WAPL: variants seen among roughly 807,000 people sequenced by gnomAD.
The protein encoded by WAPL is WAPL cohesin release factor.
Under a neutral mutation model 121.0 loss-of-function variants are expected in WAPL, and 5 were observed. That is an observed-to-expected ratio of 0.04 (90% CI 0.02 to 0.09). The LOEUF is 0.09. Among genes scored for constraint, WAPL ranks in the 10% least tolerant of loss-of-function variants. WAPL has a pLI of 1.00. For missense variants in WAPL, 999 were observed against 1,410.8 expected (o/e 0.71, Z 4.68); for synonymous variants, 480 against 481.5 (o/e 1.00, Z 0.04).
Position 86,437,632 on chromosome 10 carries a change from G to A in WAPL, c.3508-24C>T, listed in dbSNP as rs115641795. ...CACTGAAAGCAGGGTGAAGGGGAAAGGAAGTAACAGTTAATATTTAACAGA... is the reference window on the plus strand; with the variant it reads ...CACTGAAAGCAGGGTGAAGGGGAAAAGAAGTAACAGTTAATATTTAACAGA... On this transcript the variant is annotated intron_variant, in intron 18 of 18. Coordinates refer to ENST00000298767, the MANE Select transcript of WAPL (RefSeq NM_015045.5). 1.8e-3 allele frequency: 2,830 copies of A among 1,610,534 alleles called. 51 individuals carry two copies. The African/African-American group carries it at 0.033, about 19-fold the overall frequency.
At chr10:86,464,290 T>A (rs1442230082) in intron 9 of WAPL, among the ~76,000 whole-genome samples, 1 of 152,214 alleles carries the variant, frequency 6.6e-6, no homozygotes, top group Non-Finnish European at 1.5e-5. Flanking sequence ...AACTATTTAA[T>A]AGAGTGTAGG....
chr10:86,467,166 G>A (rs1841418112), intron 9 of WAPL, 113 bp downstream of exon 9: 1 of 989,738 alleles, frequency 1.0e-6, no homozygotes, highest in East Asian at 2.5e-5. Context: ...TTGCCAAACT[G>A]TAAACCAAGG....
Position 86,453,181 on chromosome 10 carries a change from G to A in WAPL, c.2949+39C>T, listed in dbSNP as rs569854143. ...GGTTAACATTTTGCACACCTTATTA[G>A]ATATGATACTCATTTCTGAAAAAGT... On this transcript the variant is annotated intron_variant, in intron 14 of 18. Transcript: ENST00000298767. The A allele has an allele frequency of 4.5e-6, 7 of 1,569,826 alleles. No homozygotes were observed. In the Admixed American group the frequency reaches 6.8e-5, roughly 15 times the overall value.
intron 16 of WAPL, 127 bp downstream of exon 16, chr10:86,446,115 G>C: frequency 1.0e-6 from 1 of 1,001,526 alleles, no homozygotes; most frequent in Non-Finnish European, 1.5e-6. Context: ...AGCTTGTCTG[G>C]ACTGAACTAG....
chr10:86,463,296 T>TG (rs1217005718), intron 9 of WAPL, among the ~76,000 whole-genome samples: 1 of 152,112 alleles, frequency 6.6e-6, no homozygotes, highest in African/African-American at 2.4e-5. Flanking sequence ...TTCAAGGCAG[T>TG]GGGGGGGACC....
intron 4 of WAPL, among the ~76,000 whole-genome samples, chr10:86,485,925 C>T (rs3758521): frequency 0.075 from 11,397 of 152,114 alleles, 463 homozygotes; most frequent in Middle Eastern, 0.14. Context: ...CAACTAAAAC[C>T]GACTCCCTCT....
intron 2 of WAPL, among the ~76,000 whole-genome samples, chr10:86,517,351 C>A (rs1034551488): frequency 2.0e-5 from 3 of 152,146 alleles, no homozygotes; most frequent in Non-Finnish European, 4.4e-5. Flanking sequence ...CCAAAACGTA[C>A]CCTGCGCAAC....
intron 4 of WAPL, among the ~76,000 whole-genome samples, chr10:86,478,076 G>C (rs1188029829): frequency 1.3e-5 from 2 of 148,614 alleles, no homozygotes; most frequent in Non-Finnish European, 3.0e-5. Context: ...AAAAAAGAAA[G>C]AAAGAAAAGC....
chr10:86,488,502 C>A (rs1841973602), intron 4 of WAPL: 1 of 152,160 alleles, frequency 6.6e-6, no homozygotes, highest in Non-Finnish European at 1.5e-5. Context: ...ATTAGCATGA[C>A]CCCTGCACAA....
intron 17 of WAPL, among the ~76,000 whole-genome samples, chr10:86,442,968 G>C (rs540011830): frequency 3.6e-4 from 55 of 151,852 alleles, no homozygotes; most frequent in Non-Finnish European, 5.4e-4. Context: ...GCGGGAACCA[G>C]GGAGGTGGAG....
At chr10:86,448,297 G>A (rs1030335843) in intron 15 of WAPL, among the ~76,000 whole-genome samples, 2 of 151,638 alleles carry the variant, frequency 1.3e-5, no homozygotes, top group African/African-American at 4.8e-5. Context: ...CTACAAATAC[G>A]AAACTTAGCC....
Position 86,499,739 on chromosome 10 carries a change from G to C in WAPL, c.1504C>G (p.Gln502Glu), listed in dbSNP as rs780610082. 6.3e-7 allele frequency: 1 copy of C among 1,585,626 alleles called. No homozygotes were observed. Among genetic ancestry groups the C allele is most frequent in the Non-Finnish European group, 8.5e-7 (1 of 1,171,152 alleles). ...PESNDNSQDS[Q>E]SGTNNAENLD... ...TTACCTGCATTGTTAGTACCAGACT[G>C]ACTGTCCTGGGAATTATCATTGCTT... The change falls in exon 3 of 19, where the codon CAG becomes GAG. Residue 502 changes from glutamine to glutamate, a missense_variant. By Grantham distance (29) the Gln-to-Glu change is conservative (BLOSUM62 2). This residue lies in a region of WAPL where 531 missense variants were observed against 563.1 expected (regional missense o/e 0.94). Coordinates refer to ENST00000298767, the MANE Select transcript of WAPL (RefSeq NM_015045.5).
chr10:86,501,126 C>A (rs965784883), intron 2 of WAPL, among the ~76,000 whole-genome samples: 3 of 152,208 alleles, frequency 2.0e-5, no homozygotes, highest in Non-Finnish European at 2.9e-5. Context: ...CCTAAACCAA[C>A]TGAACAGTTA....
At position 86,467,309 on chromosome 10, in the gene WAPL, G is replaced by A; in HGVS notation, c.2340C>T (p.His780=). Residue 780 remains histidine (H), a synonymous_variant, in exon 9 of 19, where the codon CAC becomes CAT. Transcript: ENST00000298767. ...TATTTTCTAGATCAAGATGCTTGTTGTGTACAGTTTCACAGAGCCTTCGGA... is the reference window on the plus strand; with the variant it reads ...TATTTTCTAGATCAAGATGCTTGTTATGTACAGTTTCACAGAGCCTTCGGA... ...EKIRRLCETV[H]NKHLDLENIT... 1 of 1,614,062 alleles carries A rather than the reference G, an allele frequency of 6.2e-7. No homozygotes were observed. Among genetic ancestry groups the A allele is most frequent in the Non-Finnish European group, 8.5e-7 (1 of 1,179,990 alleles).
chr10:86,460,330 G>GTC, intron 11 of WAPL, 69 bp downstream of exon 11: 1 of 1,264,468 alleles, frequency 7.9e-7, no homozygotes, highest in East Asian at 2.3e-5. Context: ...ATATTTGGCA[G>GTC]TCTCTCTCTT....
At chr10:86,515,719 T>G (rs560975855) in intron 2 of WAPL, among the ~76,000 whole-genome samples, 1 of 150,832 alleles carries the variant, frequency 6.6e-6, no homozygotes, top group Non-Finnish European at 1.5e-5. Context: ...GAAGCGGAGG[T>G]TGCAGTGAGG....
chr10:86,451,475 C>T (rs919838068), intron 15 of WAPL, among the ~76,000 whole-genome samples: 2 of 151,810 alleles, frequency 1.3e-5, no homozygotes, highest in Non-Finnish European at 2.9e-5. Context: ...ACCGCAACTT[C>T]CACCTCCTCA....
chr10:86,472,414 T>C lies in WAPL; in HGVS notation c.1894-70A>G, dbSNP rs1190162405. The C allele has an allele frequency of 1.3e-6, 2 of 1,552,320 alleles. No homozygotes were observed. Among genetic ancestry groups the C allele is most frequent in the East Asian group, 4.5e-5 (2 of 43,970 alleles). Reference sequence around the variant, plus strand: ...CATATTTAAATCTATGGGCTCACTGTACTTTACATAAGTGCATAAAATAGT... The same window carrying C: ...CATATTTAAATCTATGGGCTCACTGCACTTTACATAAGTGCATAAAATAGT... On this transcript the variant is annotated intron_variant, in intron 6 of 18. Coordinates refer to ENST00000298767, the MANE Select transcript of WAPL (RefSeq NM_015045.5). The surrounding 1 kb of genome is among the most constrained non-coding windows in gnomAD (Gnocchi z 4.2).
At chr10:86,481,324 G>GGA (rs1355204343) in intron 4 of WAPL, among the ~76,000 whole-genome samples, 5 of 152,114 alleles carry the variant, frequency 3.3e-5, no homozygotes, top group Admixed American at 3.3e-4. Flanking sequence ...AAATTTTAAA[G>GGA]GAGAGACAGT....
Sources: gnomAD v4.1 joint callset for allele counts (sites outside exome capture counted in the v4.1 genomes callset) on GRCh38, gnomAD v4.1.1 for gene constraint, gnomAD v4.1.1 regional missense constraint, Gnocchi (gnomAD v3.1) non-coding constraint, MANE v1.5 for transcripts, NCBI Gene and HGNC (gene_info 2026-07-23, HGNC 2026-07-21) for gene names.